VPS54: variants seen among roughly 807,000 people sequenced by gnomAD.
VPS54 encodes the protein VPS54 subunit of GARP complex, also known as vacuolar protein sorting-associated protein 54.
Under a neutral mutation model 121.5 loss-of-function variants are expected in VPS54, and 45 were observed. That is an observed-to-expected ratio of 0.37 (90% CI 0.29 to 0.47). The LOEUF is 0.47. VPS54 is among the 20% of genes least tolerant of loss of function. The pLI, the probability that VPS54 is intolerant of heterozygous loss-of-function variation, is 0.99. For missense variants in VPS54, 1,090 were observed against 1,131.4 expected (o/e 0.96, Z 0.52); for synonymous variants, 371 against 385.8 (o/e 0.96, Z 0.45).
At chr2:63,952,430 A>T (rs963603294) in intron 7 of VPS54, among the ~76,000 whole-genome samples, 1 of 152,198 alleles carries the variant, frequency 6.6e-6, no homozygotes, top group Non-Finnish European at 1.5e-5. Context: ...ATTAAAATTT[A>T]AAAAACATTT....
Position 63,974,094 on chromosome 2 carries a change from A to T in VPS54, c.379-1850T>A, listed in dbSNP as rs188476828. Among the ~76,000 whole-genome samples the T allele has an allele frequency of 5.4e-4, 82 of 152,302 alleles. 1 individual carries two copies. The highest frequency in any genetic ancestry group is 3.4e-3 in the Middle Eastern group (1 of 294). On this transcript the variant is annotated intron_variant, in intron 3 of 22. Coordinates refer to ENST00000272322, the MANE Select transcript of VPS54 (RefSeq NM_016516.3). The stretch of plus-strand genomic sequence containing the variant: ...TTTTATAGTTTTGCATTTTACATTA[A>T]GGTCTATCATCAACTTTGAGCTAAT...
intron 3 of VPS54, among the ~76,000 whole-genome samples, chr2:63,976,052 A>C (rs1676512361): frequency 6.6e-6 from 1 of 152,150 alleles, no homozygotes; most frequent in Admixed American, 6.5e-5. Flanking sequence ...AGTTAAGGAA[A>C]TTTCTTCCTG....
chr2:63,954,586 T>C (rs1209583154), intron 7 of VPS54, among the ~76,000 whole-genome samples: 2 of 152,090 alleles, frequency 1.3e-5, no homozygotes, highest in African/African-American at 4.8e-5. Context: ...AATTAGAGTA[T>C]CATAATTTGT....
intron 7 of VPS54, among the ~76,000 whole-genome samples, chr2:63,961,418 T>TA (rs1675763538): frequency 6.6e-6 from 1 of 152,242 alleles, no homozygotes; most frequent in African/African-American, 2.4e-5. Context: ...CACTTACTAG[T>TA]ACGTGGTTTG....
At chr2:63,931,819 A>C (rs1674217921) in intron 12 of VPS54, among the ~76,000 whole-genome samples, 2 of 152,230 alleles carry the variant, frequency 1.3e-5, no homozygotes, top group Non-Finnish European at 2.9e-5. Context: ...GAAAAAAGCA[A>C]ACAACCCCAT....
At chr2:63,914,133 T>C in intron 17 of VPS54, 49 bp downstream of exon 17, 1 of 1,397,616 alleles carries the variant, frequency 7.2e-7, no homozygotes, top group East Asian at 2.3e-5. Flanking sequence ...CACCCTAATG[T>C]ATTAATTCCT....
intron 16 of VPS54, 141 bp from the exon 17 acceptor site, chr2:63,914,428 T>A (rs1673288237): frequency 3.2e-6 from 2 of 634,342 alleles, no homozygotes; most frequent in Non-Finnish European, 5.5e-6. Context: ...AAAGTATGCA[T>A]TTTACCTACT....
intron 10 of VPS54, 97 bp downstream of exon 10, chr2:63,944,503 A>C: frequency 8.2e-7 from 1 of 1,219,412 alleles, no homozygotes; most frequent in Admixed American, 1.9e-5. Context: ...ACACCTTAGT[A>C]AATAATTCCT....
At chr2:63,982,708 T>C (rs559093446) in intron 2 of VPS54, among the ~76,000 whole-genome samples, 7 of 152,318 alleles carry the variant, frequency 4.6e-5, no homozygotes, top group East Asian at 3.9e-4. Flanking sequence ...GAACTCCAGA[T>C]AGCATTTTAG....
intron 7 of VPS54, among the ~76,000 whole-genome samples, chr2:63,953,972 T>C (rs1675377827): frequency 6.6e-6 from 1 of 152,162 alleles, no homozygotes; most frequent in South Asian, 2.1e-4. Flanking sequence ...ATATAGGACT[T>C]TTTCCTCTTC....
intron 1 of VPS54, among the ~76,000 whole-genome samples, chr2:64,009,186 A>G (rs969430669): frequency 1.3e-5 from 2 of 152,252 alleles, no homozygotes; most frequent in Non-Finnish European, 2.9e-5. Flanking sequence ...CAATGACTGA[A>G]TCAATAATTA....
intron 3 of VPS54, among the ~76,000 whole-genome samples, chr2:63,977,377 G>C (rs60847776): frequency 0.072 from 11,015 of 152,148 alleles, 852 homozygotes; most frequent in African/African-American, 0.2. Context: ...GAAGCCTTCA[G>C]TGCTTATTTA....
intron 11 of VPS54, among the ~76,000 whole-genome samples, chr2:63,938,156 A>G (rs537552070): frequency 1.3e-5 from 2 of 151,434 alleles, no homozygotes; most frequent in East Asian, 3.9e-4. Flanking sequence ...GTGTGCAGAC[A>G]GGATCTTCCT....
At position 63,924,772 on chromosome 2, in the gene VPS54, T is replaced by C. The variant is rs181881146; in HGVS notation, c.1740-3437A>G. On this transcript the variant is annotated intron_variant, in intron 12 of 22. Coordinates refer to ENST00000272322, the MANE Select transcript of VPS54 (RefSeq NM_016516.3). ...AATAGAGTCCAGAAACAGATACGCC[T>C]ATCTGAATATTTGATTTATGTCAAG... Among the ~76,000 whole-genome samples, 17 of 152,328 alleles carry C rather than the reference T, an allele frequency of 1.1e-4. No homozygotes were observed. In the East Asian group the frequency reaches 2.1e-3, roughly 19 times the overall value.
At chr2:63,991,239 C>A (rs1015185831) in intron 1 of VPS54, among the ~76,000 whole-genome samples, 1 of 152,142 alleles carries the variant, frequency 6.6e-6, no homozygotes, top group Non-Finnish European at 1.5e-5. Context: ...ATGAATTATA[C>A]CCTGATTTTT....
chr2:63,942,528 G>A lies in VPS54; in HGVS notation c.1335C>T (p.Pro445=). 3 of 1,595,762 alleles carry A rather than the reference G, an allele frequency of 1.9e-6. No individual in the cohort carries two copies. Among genetic ancestry groups the A allele is most frequent in the Admixed American group, 1.7e-5 (1 of 58,052 alleles). Residue 445 remains proline (P), a synonymous_variant, in exon 11 of 23, where the codon CCC becomes CCT. Coordinates refer to ENST00000272322, the MANE Select transcript of VPS54 (RefSeq NM_016516.3). ...TATCCTTGAGCAGATCAAACCACTG[G>A]GGAAAATTCAACATTCTCATCTGAT... is the stretch of plus-strand genomic sequence containing the variant. The part of the protein sequence containing the change: ...LADQMRMLNF[P]QWFDLLKDIF...
chr2:63,996,709 C>T (rs1459567653), intron 1 of VPS54, among the ~76,000 whole-genome samples: 3 of 152,174 alleles, frequency 2.0e-5, no homozygotes, highest in Admixed American at 2.0e-4. Context: ...TCTAAAATGG[C>T]CGCTCTGGGA....
chr2:63,997,524 T>G (rs1439232233), intron 1 of VPS54, among the ~76,000 whole-genome samples: 2 of 152,194 alleles, frequency 1.3e-5, no homozygotes, highest in Non-Finnish European at 2.9e-5. Context: ...TCCTCTGAAT[T>G]TTGTGGTATC....
intron 11 of VPS54, among the ~76,000 whole-genome samples, chr2:63,941,332 AT>A (rs544029015): frequency 8.7e-5 from 13 of 148,876 alleles, no homozygotes; most frequent in Admixed American, 2.6e-4. Flanking sequence ...TTAGGTGATC[AT>A]CCCACCTCAG....
Sources: allele counts gnomAD v4.1 joint callset (sites outside exome capture counted in the v4.1 genomes callset), GRCh38; gene constraint gnomAD v4.1.1; transcripts MANE v1.5; gene names NCBI Gene and HGNC (gene_info 2026-07-23, HGNC 2026-07-21).